ADGRV1: variants seen among roughly 807,000 people sequenced by gnomAD.
The protein encoded by ADGRV1 is adhesion G protein-coupled receptor V1.
In ADGRV1, 359 loss-of-function variants were observed where a neutral mutation model predicts 596.2. The ratio of observed to expected loss-of-function variants is 0.60; its 90% CI spans 0.55 to 0.66. The LOEUF is 0.66. Ranked by LOEUF, ADGRV1 falls within the 30% of genes least tolerant of loss-of-function variation. The pLI is 0.00. For synonymous variants in ADGRV1, 2,681 were observed against 2,679.2 expected, an observed-to-expected ratio of 1.00 and a Z score of -0.02; for missense variants, 7,274 against 7,575.6, an observed-to-expected ratio of 0.96 and a Z score of 1.48.
At chr5:90,978,364 G>C (rs939693497) in intron 84 of ADGRV1, among the ~76,000 whole-genome samples, 1 of 151,852 alleles carries the variant, frequency 6.6e-6, no homozygotes, top group Admixed American at 6.6e-5. Flanking sequence ...TACCTTCAAC[G>C]TTTTTCACTT....
chr5:91,030,897 G>T, intron 85 of ADGRV1: 1 of 543,370 alleles, frequency 1.8e-6, no homozygotes, highest in East Asian at 3.1e-5. Context: ...ACAATTTCCT[G>T]AGATCTGTGA....
At chr5:90,683,351 C>T (rs978220657) in intron 27 of ADGRV1, among the ~76,000 whole-genome samples, 1 of 152,116 alleles carries the variant, frequency 6.6e-6, no homozygotes, top group African/African-American at 2.4e-5. Flanking sequence ...ACTGGGACTA[C>T]AGGCATGTGC....
intron 34 of ADGRV1, among the ~76,000 whole-genome samples, chr5:90,700,412 C>G (rs555262054): frequency 6.6e-6 from 1 of 152,222 alleles, no homozygotes; most frequent in East Asian, 1.9e-4. Flanking sequence ...CTGTAGAATC[C>G]TATTTCTACA....
At chr5:90,778,100 C>T in intron 62 of ADGRV1, 57 bp downstream of exon 62, 4 of 1,504,878 alleles carry the variant, frequency 2.7e-6, no homozygotes, top group Non-Finnish European at 3.6e-6. Flanking sequence ...GGTGTGTGCA[C>T]ATGTGTGAGC....
At chr5:90,762,907 C>T (rs1756660722) in intron 58 of ADGRV1, 1 of 155,656 alleles carries the variant, frequency 6.4e-6, no homozygotes, top group Non-Finnish European at 1.4e-5. Flanking sequence ...GCTCTCAGGC[C>T]CTAGACTCTG....
At chr5:90,961,905 A>G (rs771446861) in intron 83 of ADGRV1, among the ~76,000 whole-genome samples, 31 of 152,168 alleles carry the variant, frequency 2.0e-4, no homozygotes, top group Admixed American at 5.2e-4. Flanking sequence ...TCTTGGCATT[A>G]TATTTGATTG....
chr5:91,031,697 G>A (rs1419792087), intron 85 of ADGRV1, among the ~76,000 whole-genome samples: 1 of 152,106 alleles, frequency 6.6e-6, no homozygotes, highest in African/African-American at 2.4e-5. Context: ...CATTGTTTTT[G>A]TGCCTTCCTT....
intron 87 of ADGRV1, among the ~76,000 whole-genome samples, chr5:91,118,587 T>G (rs935964460): frequency 6.6e-6 from 1 of 152,020 alleles, no homozygotes; most frequent in African/African-American, 2.4e-5. Flanking sequence ...TGAAAGGAAT[T>G]TAACATAAAT....
In ADGRV1 at chr5:91,027,144, A is replaced by AACACACACACACACAC. The variant is rs1184010778; in HGVS notation, c.18152+41653_18152+41668dup. Among the ~76,000 whole-genome samples, 951 of 129,190 alleles carry AACACACACACACACAC rather than the reference A, an allele frequency of 7.4e-3. 9 individuals are homozygous for AACACACACACACACAC. The highest frequency in any genetic ancestry group is 0.011 in the Middle Eastern group (3 of 268). 84.8% of individuals were successfully genotyped at this position (129,190 alleles called of 152,430 possible). A position where few individuals can be genotyped will look rare whatever the true frequency, so the allele number is the denominator to read the frequency against. Reference sequence around the variant, plus strand: ...GCAACAGAGCAAAACACAGTCTCAAAACACACACACACACACACACACACA... The same window carrying AACACACACACACACAC: ...GCAACAGAGCAAAACACAGTCTCAAAACACACACACACACACACACACACACACACACACACACACA... On this transcript the variant is annotated intron_variant, in intron 85 of 89. Coordinates refer to ENST00000405460, the MANE Select transcript of ADGRV1 (RefSeq NM_032119.4).
In ADGRV1 at chr5:90,684,035, A is replaced by G; in HGVS notation, c.6114A>G (p.Arg2038=). Residue 2038 remains arginine (R), a synonymous_variant, in exon 28 of 90, where the codon AGA becomes AGG. Coordinates refer to ENST00000405460, the MANE Select transcript of ADGRV1 (RefSeq NM_032119.4). Reference sequence around the variant, plus strand: ...ATTTAGCGAGAGCAACTCAAGGAAGAGACTATATACCAGCTTCTGGATTTG... The same window carrying G: ...ATTTAGCGAGAGCAACTCAAGGAAGGGACTATATACCAGCTTCTGGATTTG... ...PPNLARATQG[R]DYIPASGFAL... 1 of 1,613,988 alleles carries G rather than the reference A, an allele frequency of 6.2e-7. No individual in the cohort carries two copies.
chr5:90,919,624 G>T (rs1044127122), intron 83 of ADGRV1, among the ~76,000 whole-genome samples: 1 of 152,140 alleles, frequency 6.6e-6, no homozygotes, highest in African/African-American at 2.4e-5. Flanking sequence ...TTTAAGCTTT[G>T]AGTGTCGTTT....
rs1375596736 is a variant in ADGRV1, at chr5:90,925,996, T to A, written c.17857-39419T>A. On this transcript the variant is annotated intron_variant, in intron 83 of 89. Transcript: ENST00000405460. ...AGGGATGAAGCCCACTTGATCATGG[T>A]GGATAAGCTTTTTGATGTGCTGCTG... Among the ~76,000 whole-genome samples the A allele has an allele frequency of 4.5e-3, 586 of 130,952 alleles. 8 individuals carry two copies. The highest frequency in any genetic ancestry group is 0.016 in the African/African-American group (555 of 34,842). The allele number at this position is 130,952 out of a possible 152,430, so 85.9% of individuals were successfully genotyped here.
At position 90,999,317 on chromosome 5, in the gene ADGRV1, C is replaced by G. The variant is rs577346721; in HGVS notation, c.18152+13795C>G. 3.3e-5 allele frequency among the ~76,000 whole-genome samples: 5 copies of G among 151,976 alleles called. No homozygotes were observed. In the East Asian group the frequency reaches 9.6e-4, roughly 29 times the overall value. On this transcript the variant is annotated intron_variant, in intron 85 of 89. Coordinates refer to ENST00000405460, the MANE Select transcript of ADGRV1 (RefSeq NM_032119.4). ...TTTGTGTGCTAATTCAATTTTCCAT[C>G]TACAATAATAGTACAGTTAACATGT...
intron 87 of ADGRV1, among the ~76,000 whole-genome samples, chr5:91,141,017 A>T (rs910884297): frequency 2.6e-5 from 4 of 152,224 alleles, no homozygotes; most frequent in African/African-American, 9.7e-5. Context: ...AAGAGACTCT[A>T]ACCTAATGTT....
At chr5:91,052,727 C>T (rs761629121) in intron 85 of ADGRV1, among the ~76,000 whole-genome samples, 2 of 152,120 alleles carry the variant, frequency 1.3e-5, no homozygotes, top group Admixed American at 6.6e-5. Context: ...AGCCACCACG[C>T]CCAGCCTAGA....
In ADGRV1 at chr5:90,823,444, G is replaced by A; in HGVS notation, c.16216G>A (p.Val5406Ile). ...QPNRAFEDVKVFWRVTLNKTV... is the reference protein window; with the variant it reads ...QPNRAFEDVKIFWRVTLNKTV... ...TCACAGGGCCTTTGAAGATGTCAAG[G>A]TCTTTTGGCGAGTCACACTTAACAA... The change falls in exon 76 of 90, where the codon GTC becomes ATC. Residue 5406 changes from valine to isoleucine, a missense_variant. This residue lies in a region of ADGRV1 where 1,874 missense variants were observed against 1,970.2 expected (regional missense o/e 0.95). Coordinates refer to ENST00000405460, the MANE Select transcript of ADGRV1 (RefSeq NM_032119.4). The A allele has an allele frequency of 1.2e-6, 2 of 1,613,796 alleles. No homozygotes were observed. The highest frequency in any genetic ancestry group is 1.1e-5 in the South Asian group (1 of 90,994).
intron 11 of ADGRV1, among the ~76,000 whole-genome samples, chr5:90,639,336 G>A (rs1766675941): frequency 6.6e-6 from 1 of 152,028 alleles, no homozygotes; most frequent in Non-Finnish European, 1.5e-5. Flanking sequence ...AATGCTGTGG[G>A]AATCTGTAGA....
intron 52 of ADGRV1, 55 bp from the exon 53 acceptor site, chr5:90,750,496 A>C (rs1435510728): frequency 6.9e-7 from 1 of 1,457,700 alleles, no homozygotes; most frequent in Non-Finnish European, 9.3e-7. Context: ...CAAAAAAAGA[A>C]GTCTGATTAG....
intron 83 of ADGRV1, among the ~76,000 whole-genome samples, chr5:90,907,225 A>G (rs943314263): frequency 1.3e-5 from 2 of 152,158 alleles, no homozygotes; most frequent in Non-Finnish European, 2.9e-5. Flanking sequence ...AATGACTTAT[A>G]AAAAACAAAA....
Sources: allele counts gnomAD v4.1 joint callset (sites outside exome capture counted in the v4.1 genomes callset), GRCh38; gene constraint gnomAD v4.1.1; regional missense constraint gnomAD v4.1.1; transcripts MANE v1.5; gene names NCBI Gene and HGNC (gene_info 2026-07-23, HGNC 2026-07-21).